Variants in MYLK observed in about 807,000 individuals in gnomAD.
MYLK encodes myosin light chain kinase.
MYLK carries 106 observed loss-of-function variants against 203.4 expected under a neutral mutation model. That is an observed-to-expected ratio of 0.52 (90% confidence interval 0.45 to 0.61). The LOEUF (loss-of-function observed/expected upper bound fraction) is 0.61, where lower values mean the gene tolerates loss of function less well. MYLK is among the 20% of genes least tolerant of loss of function. The probability of loss-of-function intolerance (pLI) is 0.00; values close to 1 mark genes in which losing one functional copy is unlikely to be tolerated. For missense variants in MYLK, 2,072 were observed against 2,442.3 expected (o/e 0.85, Z 3.20); for synonymous variants, 867 against 959.5 (o/e 0.90, Z 1.78).
At chr3:123,626,733 G>T in intron 31 of MYLK, 85 bp downstream of exon 31, 2 of 1,598,836 alleles carry the variant, frequency 1.3e-6, no homozygotes, top group Non-Finnish European at 1.7e-6. Flanking sequence ...CTTGGTGTGA[G>T]GCCAGGGCAA....
intron 20 of MYLK, 132 bp from the exon 21 acceptor site, chr3:123,667,319 A>G: frequency 1.1e-6 from 1 of 916,530 alleles, no homozygotes; most frequent in Non-Finnish European, 1.7e-6. Context: ...ATGTCTTTTC[A>G]GGCTGAGCAC....
At chr3:123,666,150 C>T (rs868575920) in intron 22 of MYLK, 69 bp downstream of exon 22, 2 of 1,611,924 alleles carry the variant, frequency 1.2e-6, no homozygotes. Context: ...CATTTCTCAT[C>T]CCTTTCGGTC....
intron 20 of MYLK, among the ~76,000 whole-genome samples, chr3:123,668,233 T>C (rs1447161938): frequency 6.6e-6 from 1 of 152,118 alleles, no homozygotes; most frequent in East Asian, 1.9e-4. Flanking sequence ...CACACAAATA[T>C]CTGTATGCGA....
Position 123,614,056 on chromosome 3 carries a change from A to AAAT in MYLK, c.*46_*48dup. The AAAT allele has an allele frequency of 6.4e-7, 1 of 1,562,762 alleles. No homozygotes were observed. The highest frequency in any genetic ancestry group is 8.8e-7 in the Non-Finnish European group (1 of 1,142,162). ...TTTTTTTTTTTTTTGAGTTTTAGAG[A>AAAT]AATAGTCCTTTTAATATGACTTAGA... On this transcript the variant is annotated 3_prime_UTR_variant, in exon 34 of 34. Transcript: ENST00000360304.
chr3:123,825,631 T>A (rs562845728), intron 3 of MYLK, among the ~76,000 whole-genome samples: 2 of 152,338 alleles, frequency 1.3e-5, no homozygotes, highest in East Asian at 3.9e-4. Context: ...AGGCACAATC[T>A]TGAGACCTCA....
chr3:123,817,885 G>A (rs1462913137), intron 3 of MYLK, among the ~76,000 whole-genome samples: 1 of 152,190 alleles, frequency 6.6e-6, no homozygotes, highest in Admixed American at 6.5e-5. Flanking sequence ...GAGGCCTGAG[G>A]CTCCAAGAAG....
intron 31 of MYLK, 157 bp from the exon 32 acceptor site, chr3:123,620,493 C>A: frequency 6.5e-7 from 1 of 1,538,392 alleles, no homozygotes; most frequent in East Asian, 2.3e-5. Flanking sequence ...GGAGCGAACC[C>A]AACCTTGCTC....
intron 2 of MYLK, among the ~76,000 whole-genome samples, chr3:123,850,045 C>T (rs906254610): frequency 2.0e-5 from 3 of 152,202 alleles, no homozygotes. Context: ...TTTCCCGCTT[C>T]ATCCATGTCC....
chr3:123,725,166 G>A (rs933369102), intron 12 of MYLK, among the ~76,000 whole-genome samples: 1 of 152,120 alleles, frequency 6.6e-6, no homozygotes, highest in East Asian at 1.9e-4. Flanking sequence ...AGTGTCCAAG[G>A]TCACCCGACC....
At chr3:123,735,073 A>T in intron 9 of MYLK, 1 of 387,928 alleles carries the variant, frequency 2.6e-6, no homozygotes. Context: ...ATGAGTGAAC[A>T]GATTCCGCCC....
In MYLK at chr3:123,627,902, T is replaced by TAG. The variant is rs1426315467; in HGVS notation, c.5115-962_5115-961insCT. On this transcript the variant is annotated intron_variant, in intron 30 of 33. Coordinates refer to ENST00000360304, the MANE Select transcript of MYLK (RefSeq NM_053025.4). ...AGAGGGATCCAGTACAGCCTGTTAC[T>TAG]GACTTAATTCAAGGTCAGATGAGAA... Among the ~76,000 whole-genome samples, 6 of 152,324 alleles carry TAG rather than the reference T, an allele frequency of 3.9e-5. No individual in the cohort carries two copies. In the East Asian group the frequency reaches 1.2e-3, roughly 29 times the overall value.
intron 5 of MYLK, among the ~76,000 whole-genome samples, chr3:123,745,955 T>C (rs1231938547): frequency 2.0e-5 from 3 of 152,164 alleles, no homozygotes; most frequent in Non-Finnish European, 4.4e-5. Flanking sequence ...CATGTCAGAC[T>C]CAAGTGATTC....
chr3:123,799,258 A>C (rs372475519), intron 3 of MYLK, among the ~76,000 whole-genome samples: 1 of 145,974 alleles, frequency 6.9e-6, no homozygotes, highest in Non-Finnish European at 1.5e-5. Context: ...AACATAATTT[A>C]TTAACTATTT....
intron 3 of MYLK, among the ~76,000 whole-genome samples, chr3:123,794,329 G>T (rs891457124): frequency 6.6e-6 from 1 of 152,224 alleles, no homozygotes; most frequent in African/African-American, 2.4e-5. Flanking sequence ...CATACTCCAA[G>T]AGAGGAAGGT....
intron 29 of MYLK, 121 bp downstream of exon 29, chr3:123,637,950 G>A (rs984086357): frequency 1.8e-5 from 26 of 1,418,720 alleles, no homozygotes; most frequent in Non-Finnish European, 2.3e-5. Flanking sequence ...TCCTGACTCT[G>A]GGGGGGGCTC....
chr3:123,701,316 G>C, intron 17 of MYLK, 122 bp downstream of exon 17: 1 of 1,050,746 alleles, frequency 9.5e-7, no homozygotes, highest in Non-Finnish European at 1.5e-6. Context: ...CTCCCTTCTG[G>C]CTTTGGCAGC....
chr3:123,664,808 T>C (rs1296168189), intron 22 of MYLK, among the ~76,000 whole-genome samples: 1 of 152,224 alleles, frequency 6.6e-6, no homozygotes, highest in Non-Finnish European at 1.5e-5. Flanking sequence ...TACTGATTCA[T>C]GTTACAATAA....
chr3:123,622,537 C>T (rs2057924325), intron 31 of MYLK: 1 of 152,106 alleles, frequency 6.6e-6, no homozygotes, highest in Admixed American at 6.5e-5. Flanking sequence ...CTTTTTTCTT[C>T]CAGATTTTAT....
intron 27 of MYLK, among the ~76,000 whole-genome samples, chr3:123,643,916 A>G (rs547723803): frequency 6.6e-6 from 1 of 152,342 alleles, no homozygotes; most frequent in Admixed American, 6.5e-5. Flanking sequence ...TAAACTTCAC[A>G]TTGTCTTCAA....
Sources: gnomAD v4.1 joint callset for allele counts (sites outside exome capture counted in the v4.1 genomes callset) on GRCh38, gnomAD v4.1.1 for gene constraint, MANE v1.5 for transcripts, NCBI Gene and HGNC (gene_info 2026-07-23, HGNC 2026-07-21) for gene names.